Variants in ROBO2 observed in about 807,000 individuals in gnomAD.
The protein encoded by ROBO2 is roundabout homolog 2.
Under a neutral mutation model 160.8 loss-of-function variants are expected in ROBO2, and 53 were observed. That is an observed-to-expected ratio of 0.33 (90% confidence interval 0.26 to 0.41). The LOEUF is 0.41. ROBO2 is among the 10% of genes least tolerant of loss of function. The pLI is 1.00. For synonymous variants in ROBO2, 664 were observed against 611.7 expected (o/e 1.09, Z -1.26); for missense variants, 1,577 against 1,722.4 (o/e 0.92, Z 1.49).
chr3:76,683,177 C>G (rs942007026), intron 2 of ROBO2, among the ~76,000 whole-genome samples: 1 of 152,012 alleles, frequency 6.6e-6, no homozygotes, highest in Admixed American at 6.6e-5. Context: ...TAATTTTAAA[C>G]CAGAAAATAT....
At chr3:77,346,943 ATCT>A (rs370316040) in intron 2 of ROBO2, among the ~76,000 whole-genome samples, 5 of 152,260 alleles carry the variant, frequency 3.3e-5, no homozygotes, top group South Asian at 2.1e-4. Context: ...ATTCAAGGAA[ATCT>A]TCTTATTTTA....
At chr3:76,159,263 G>C (rs549381239) in intron 2 of ROBO2, among the ~76,000 whole-genome samples, 1 of 152,236 alleles carries the variant, frequency 6.6e-6, no homozygotes, top group South Asian at 2.1e-4. Flanking sequence ...CAGAATTGCT[G>C]CAACTCCTTT....
chr3:76,278,581 A>G (rs1217516625), intron 2 of ROBO2, among the ~76,000 whole-genome samples: 1 of 152,058 alleles, frequency 6.6e-6, no homozygotes. Flanking sequence ...GAACACTAAG[A>G]GAAACATACA....
intron 2 of ROBO2, among the ~76,000 whole-genome samples, chr3:76,492,995 T>A (rs1428966454): frequency 6.6e-6 from 1 of 152,162 alleles, no homozygotes; most frequent in African/African-American, 2.4e-5. Flanking sequence ...TAAAATATAA[T>A]GCCTCACAGT....
At chr3:76,489,044 C>T (rs1193439262) in intron 2 of ROBO2, among the ~76,000 whole-genome samples, 2 of 133,022 alleles carry the variant, frequency 1.5e-5, no homozygotes, top group African/African-American at 5.6e-5. Context: ...AAGATCGCAC[C>T]ACTGCACTCC....
At chr3:77,526,274 T>C (rs1033111843) in intron 6 of ROBO2, among the ~76,000 whole-genome samples, 4 of 151,520 alleles carry the variant, frequency 2.6e-5, no homozygotes, top group African/African-American at 9.7e-5. Context: ...AGTATTACGA[T>C]GTATCTGTTA....
chr3:76,326,441 T>A (rs964325280), intron 2 of ROBO2, among the ~76,000 whole-genome samples: 8 of 152,116 alleles, frequency 5.3e-5, no homozygotes, highest in African/African-American at 1.7e-4. Flanking sequence ...TACTAGTAAA[T>A]ATGTGTATAC....
At chr3:75,916,419 C>G (rs7644864) in intron 1 of ROBO2, among the ~76,000 whole-genome samples, 126,439 of 152,092 alleles carry the variant, frequency 0.83, 52,647 homozygotes, top group East Asian at 0.93. Context: ...ATGTATTATA[C>G]CAACATGGCA....
chr3:77,215,568 C>G (rs1342096240), intron 2 of ROBO2, among the ~76,000 whole-genome samples: 1 of 152,138 alleles, frequency 6.6e-6, no homozygotes, highest in Admixed American at 6.5e-5. Flanking sequence ...TGAAGCCTTC[C>G]TCTCTCAACT....
chr3:76,805,315 G>T (rs267105), intron 2 of ROBO2, among the ~76,000 whole-genome samples: 123,583 of 151,938 alleles, frequency 0.81, 50,424 homozygotes, highest in Admixed American at 0.85. Flanking sequence ...TTTTACAGCT[G>T]GGAATATCTA....
intron 2 of ROBO2, among the ~76,000 whole-genome samples, chr3:76,422,171 T>C (rs1216207429): frequency 6.6e-6 from 1 of 152,196 alleles, no homozygotes; most frequent in Non-Finnish European, 1.5e-5. Flanking sequence ...AATAATGGGA[T>C]AGAAATGAAA....
intron 2 of ROBO2, among the ~76,000 whole-genome samples, chr3:76,162,967 A>G (rs2106933101): frequency 6.6e-6 from 1 of 152,234 alleles, no homozygotes. Context: ...TTTGTGATTA[A>G]TTATTTAGAA....
intron 2 of ROBO2, among the ~76,000 whole-genome samples, chr3:76,445,397 G>C (rs572818545): frequency 1.3e-5 from 2 of 152,200 alleles, no homozygotes; most frequent in South Asian, 4.1e-4. Flanking sequence ...AAAATGCTGA[G>C]ACACTTAGTA....
intron 2 of ROBO2, among the ~76,000 whole-genome samples, chr3:76,999,257 G>T (rs1160370697): frequency 6.6e-6 from 1 of 151,882 alleles, no homozygotes; most frequent in Non-Finnish European, 1.5e-5. Flanking sequence ...CTCAGGATTA[G>T]TACTGTCACC....
intron 2 of ROBO2, among the ~76,000 whole-genome samples, chr3:76,946,717 C>A (rs1314777779): frequency 6.6e-6 from 1 of 152,118 alleles, no homozygotes; most frequent in South Asian, 2.1e-4. Flanking sequence ...GGATTACAGA[C>A]GTGAGCCACT....
At chr3:77,261,069 C>T (rs1269552464) in intron 2 of ROBO2, among the ~76,000 whole-genome samples, 1 of 152,156 alleles carries the variant, frequency 6.6e-6, no homozygotes, top group African/African-American at 2.4e-5. Flanking sequence ...ATCAATCAGC[C>T]TGTCACGTAT....
chr3:76,140,448 GTTA>G (rs1360289845), intron 2 of ROBO2, among the ~76,000 whole-genome samples: 1 of 151,850 alleles, frequency 6.6e-6, no homozygotes, highest in Non-Finnish European at 1.5e-5. Flanking sequence ...ATGCTATCTT[GTTA>G]TTATCTTCAT....
intron 2 of ROBO2, among the ~76,000 whole-genome samples, chr3:77,008,970 TG>T (rs1216452415): frequency 6.6e-6 from 1 of 152,324 alleles, no homozygotes; most frequent in East Asian, 1.9e-4. Context: ...TTCCTTCTTT[TG>T]GATGTGAACC....
At position 76,865,385 on chromosome 3, in the gene ROBO2, A is replaced by G. The variant is rs191528368; in HGVS notation, c.110-232629A>G. 6.6e-5 allele frequency among the ~76,000 whole-genome samples: 10 copies of G among 152,236 alleles called. No individual in the cohort carries two copies. In the East Asian group the frequency reaches 1.7e-3, roughly 26 times the overall value. Reference sequence around the variant, plus strand: ...TTCAAGAGCATCAAATAACTGTCCTATGGCTATCTAGGCTTGCTTTCAAGT... The same window carrying G: ...TTCAAGAGCATCAAATAACTGTCCTGTGGCTATCTAGGCTTGCTTTCAAGT... On this transcript the variant is annotated intron_variant, in intron 2 of 26. Transcript: ENST00000487694.
Sources: gnomAD v4.1 joint callset for allele counts (sites outside exome capture counted in the v4.1 genomes callset) on GRCh38, gnomAD v4.1.1 for gene constraint, MANE v1.5 for transcripts, NCBI Gene and HGNC (gene_info 2026-07-23, HGNC 2026-07-21) for gene names.